TTLL11: variants seen among roughly 807,000 people sequenced by gnomAD.
TTLL11 encodes tubulin polyglutamylase TTLL11.
In TTLL11, 42 loss-of-function variants were observed where a neutral mutation model predicts 51.7. The observed-to-expected ratio is 0.81, with a 90% CI of 0.64 to 1.05. The LOEUF (loss-of-function observed/expected upper bound fraction) is 1.05, where lower values mean the gene tolerates loss of function less well. Ranked by LOEUF, TTLL11 falls within the 50% of genes least tolerant of loss-of-function variation. TTLL11 has a pLI of 0.00. For missense variants in TTLL11, 799 were observed against 940.4 expected (o/e 0.85, Z 1.97); for synonymous variants, 381 against 383.5 (o/e 0.99, Z 0.08).
intron 3 of TTLL11, among the ~76,000 whole-genome samples, chr9:122,016,496 G>A: frequency 6.6e-6 from 1 of 152,182 alleles, no homozygotes. Context: ...TGTGGAATCA[G>A]GACAAAGAAT....
chr9:122,087,823 C>T (rs1362901248), intron 1 of TTLL11, among the ~76,000 whole-genome samples: 2 of 152,156 alleles, frequency 1.3e-5, no homozygotes, highest in South Asian at 2.1e-4. Flanking sequence ...TGAGCATCTG[C>T]GGTGAACCAG....
At chr9:121,880,114 G>A (rs1311609104) in intron 6 of TTLL11, among the ~76,000 whole-genome samples, 1 of 152,210 alleles carries the variant, frequency 6.6e-6, no homozygotes, top group East Asian at 1.9e-4. Context: ...AATGCCTTTT[G>A]CCTGAAGGAC....
chr9:121,963,852 C>T (rs1267457035), intron 6 of TTLL11: 2 of 152,226 alleles, frequency 1.3e-5, no homozygotes, highest in Admixed American at 1.3e-4. Context: ...TTCCTGCTCA[C>T]ACTTGAAAAT....
intron 6 of TTLL11, among the ~76,000 whole-genome samples, chr9:121,937,288 A>G (rs1028337596): frequency 3.3e-5 from 5 of 152,218 alleles, no homozygotes; most frequent in Admixed American, 2.6e-4. Context: ...TTTATATCAC[A>G]TACAATCAGA....
chr9:121,853,889 A>C lies in TTLL11; in HGVS notation c.1840+6448T>G, dbSNP rs946681601. Among the ~76,000 whole-genome samples the C allele has an allele frequency of 6.6e-6, 1 of 152,190 alleles. No homozygotes were observed. The highest frequency in any genetic ancestry group is 2.4e-5 in the African/African-American group (1 of 41,442). ...CCCCAGCACCTGCAGAGCAGCTGGCAGGGGTAGGTGCCCCAGAAGCACTTC... is the reference window on the plus strand; with the variant it reads ...CCCCAGCACCTGCAGAGCAGCTGGCCGGGGTAGGTGCCCCAGAAGCACTTC... On this transcript the variant is annotated intron_variant, in intron 8 of 8. Transcript: ENST00000321582. This position sits in a 1 kb window ranked among gnomAD's most constrained non-coding sequence, Gnocchi z 5.6.
chr9:121,983,261 T>C (rs1842864850), intron 4 of TTLL11, among the ~76,000 whole-genome samples: 1 of 152,108 alleles, frequency 6.6e-6, no homozygotes, highest in South Asian at 2.1e-4. Flanking sequence ...GTAAAGACGA[T>C]AGAGAGTAGG....
chr9:122,084,781 G>A lies in TTLL11; in HGVS notation c.462+7906C>T, dbSNP rs1480230963. 2.0e-5 allele frequency among the ~76,000 whole-genome samples: 3 copies of A among 152,152 alleles called. No homozygotes were observed. The East Asian group carries it at 5.8e-4, about 29-fold the overall frequency. On this transcript the variant is annotated intron_variant, in intron 1 of 8. Coordinates refer to ENST00000321582, the MANE Select transcript of TTLL11 (RefSeq NM_001139442.2). ...TACTCAGTCTTAGAGATGAGGTAAA[G>A]CAACTTGTCCAGGGGCACGGAGCCA...
chr9:121,830,686 A>G (rs1836976079), intron 8 of TTLL11, among the ~76,000 whole-genome samples: 1 of 152,138 alleles, frequency 6.6e-6, no homozygotes, highest in Non-Finnish European at 1.5e-5. Context: ...TTCCAGCATC[A>G]CTGCTTGCCC....
chr9:121,894,585 C>T, intron 6 of TTLL11, among the ~76,000 whole-genome samples: 1 of 152,148 alleles, frequency 6.6e-6, no homozygotes, highest in Non-Finnish European at 1.5e-5. Flanking sequence ...GGGAAGAGTT[C>T]ATGTCCTTTG....
chr9:121,952,498 G>A (rs1841883334), intron 6 of TTLL11, among the ~76,000 whole-genome samples: 1 of 151,000 alleles, frequency 6.6e-6, no homozygotes, highest in Non-Finnish European at 1.5e-5. Flanking sequence ...GGTCTGTCAG[G>A]GTCCATAGCT....
In TTLL11 at chr9:122,078,775, C is replaced by T. The variant is rs180904844; in HGVS notation, c.462+13912G>A. ...CTACACATTGAGTTGTTTCAAACCCCTATCTGTGTAGGTCTAAAGCTCATG... is the reference window on the plus strand; with the variant it reads ...CTACACATTGAGTTGTTTCAAACCCTTATCTGTGTAGGTCTAAAGCTCATG... On this transcript the variant is annotated intron_variant, in intron 1 of 8. Transcript: ENST00000321582. 1.8e-4 allele frequency among the ~76,000 whole-genome samples: 27 copies of T among 152,140 alleles called. No individual in the cohort carries two copies. In the East Asian group the frequency reaches 2.7e-3, roughly 15 times the overall value.
Position 122,031,749 on chromosome 9 carries a change from C to T in TTLL11, c.667G>A (p.Asp223Asn). The change falls in exon 3 of 9, where the codon GAC (aspartate) becomes AAC (asparagine). Residue 223 changes from aspartate (D) to asparagine (N), a missense_variant. Asp to Asn is a conservative substitution (Grantham distance 23). Coordinates refer to ENST00000321582, the MANE Select transcript of TTLL11 (RefSeq NM_001139442.2). Reference protein sequence around the residue: ...NFYPRSWILPDEFQLFVAQVQ... With the variant: ...NFYPRSWILPNEFQLFVAQVQ... ...TGAGCAACAAAGAGCTGGAACTCGT[C>T]AGGCAGAATCCATGAGCGAGGGTAG... 1 of 1,612,980 alleles carries T rather than the reference C, an allele frequency of 6.2e-7. No homozygotes were observed. Among genetic ancestry groups the T allele is most frequent in the Non-Finnish European group, 8.5e-7 (1 of 1,179,982 alleles).
chr9:121,963,129 G>A (rs1842290881), intron 6 of TTLL11, among the ~76,000 whole-genome samples: 1 of 115,966 alleles, frequency 8.6e-6, no homozygotes, highest in Admixed American at 8.8e-5. Context: ...ATAAAATAGA[G>A]GTAGTCATAG....
chr9:121,970,532 G>T (rs1842519499), intron 6 of TTLL11, among the ~76,000 whole-genome samples: 1 of 152,136 alleles, frequency 6.6e-6, no homozygotes, highest in African/African-American at 2.4e-5. Flanking sequence ...TCAAAAAGTG[G>T]GCGAATGATA....
intron 6 of TTLL11, among the ~76,000 whole-genome samples, chr9:121,874,793 G>A (rs1838505005): frequency 7.0e-6 from 1 of 143,732 alleles, no homozygotes; most frequent in African/African-American, 2.6e-5. Flanking sequence ...GACTTGTTCT[G>A]TCACCCAGGC....
intron 6 of TTLL11, among the ~76,000 whole-genome samples, chr9:121,933,480 A>C (rs1485371338): frequency 6.6e-6 from 1 of 152,196 alleles, no homozygotes; most frequent in African/African-American, 2.4e-5. Context: ...GAGATGGGTT[A>C]GAAATCCGGA....
At chr9:122,085,459 G>A (rs1329246563) in intron 1 of TTLL11, among the ~76,000 whole-genome samples, 2 of 152,010 alleles carry the variant, frequency 1.3e-5, no homozygotes, top group Non-Finnish European at 2.9e-5. Context: ...TGTCCCTTAC[G>A]CTGCAGCCAT....
chr9:121,981,795 TG>T (rs1022261681), intron 4 of TTLL11, among the ~76,000 whole-genome samples: 2 of 152,236 alleles, frequency 1.3e-5, no homozygotes, highest in African/African-American at 4.8e-5. Context: ...TAACCCTCGC[TG>T]TTAAGGCAGA....
chr9:121,837,232 G>T (rs545109482), intron 8 of TTLL11, among the ~76,000 whole-genome samples: 4 of 151,942 alleles, frequency 2.6e-5, no homozygotes, highest in African/African-American at 9.7e-5. Context: ...TGTGAATAAT[G>T]GTGCAATGAA....
Sources: gnomAD v4.1 joint callset for allele counts (sites outside exome capture counted in the v4.1 genomes callset) on GRCh38, gnomAD v4.1.1 for gene constraint, Gnocchi (gnomAD v3.1) non-coding constraint, MANE v1.5 for transcripts, NCBI Gene and HGNC (gene_info 2026-07-23, HGNC 2026-07-21) for gene names.